MED12L: variants seen among roughly 807,000 people sequenced by gnomAD.
The protein encoded by MED12L is mediator complex subunit 12L, also known as mediator of RNA polymerase II transcription subunit 12-like protein.
A neutral mutation model predicts 281.3 loss-of-function variants in MED12L; 60 were observed. The observed-to-expected ratio is 0.21, with a 90% CI of 0.17 to 0.26. MED12L has a LOEUF of 0.26. MED12L is among the 10% of genes least tolerant of loss of function. The pLI, the probability that MED12L is intolerant of heterozygous loss-of-function variation, is 1.00. For synonymous variants in MED12L, 974 were observed against 987.2 expected (o/e 0.99, Z 0.25); for missense variants, 2,146 against 2,680.9 (o/e 0.80, Z 4.41).
At chr3:151,109,214 C>T (rs1416114165) in intron 2 of MED12L, among the ~76,000 whole-genome samples, 12 of 152,054 alleles carry the variant, frequency 7.9e-5, no homozygotes, top group Admixed American at 7.2e-4. Flanking sequence ...AGCCACCACG[C>T]CCGGCAATTT....
intron 2 of MED12L, among the ~76,000 whole-genome samples, chr3:151,087,288 G>A (rs560181090): frequency 6.6e-6 from 1 of 152,350 alleles, no homozygotes; most frequent in East Asian, 1.9e-4. Flanking sequence ...GCGCCGCCGG[G>A]CGCTTCTCGG....
At chr3:151,292,677 A>G (rs1475992240) in intron 16 of MED12L, among the ~76,000 whole-genome samples, 2 of 151,658 alleles carry the variant, frequency 1.3e-5, no homozygotes, top group Admixed American at 6.6e-5. Context: ...GGTTCAAGCA[A>G]TTCTCCTGCC....
intron 2 of MED12L, among the ~76,000 whole-genome samples, chr3:151,090,888 A>G (rs865953668): frequency 1.3e-5 from 2 of 152,208 alleles, no homozygotes; most frequent in Middle Eastern, 3.4e-3. Flanking sequence ...AAAAAATACA[A>G]AAATTAGCTG....
chr3:151,368,091 C>T lies in MED12L; in HGVS notation c.3449-59C>T, dbSNP rs902611890. ...CAGGAAATTTAGCTTAATAGGAAAC[C>T]TGAAGGACTTGTTCCCAAGTGTGTT... On this transcript the variant is annotated intron_variant, in intron 24 of 44. Coordinates refer to ENST00000687756, the MANE Select transcript of MED12L (RefSeq NM_001393769.1). 63 of 1,340,054 alleles carry T rather than the reference C, an allele frequency of 4.7e-5. No individual in the cohort carries two copies. In the Admixed American group the frequency reaches 1.1e-3, roughly 22 times the overall value. 83.0% of individuals were successfully genotyped at this position (1,340,054 alleles called of 1,614,324 possible). A position where few individuals can be genotyped will look rare whatever the true frequency, so the allele number is the denominator to read the frequency against.
At chr3:151,160,897 G>A (rs141366281) in intron 8 of MED12L, among the ~76,000 whole-genome samples, 1 of 152,232 alleles carries the variant, frequency 6.6e-6, no homozygotes, top group Non-Finnish European at 1.5e-5. Flanking sequence ...CTTCGAATGA[G>A]TTGAGAAAGA....
chr3:151,378,759 G>C (rs966518759), intron 31 of MED12L, among the ~76,000 whole-genome samples: 1 of 152,002 alleles, frequency 6.6e-6, no homozygotes, highest in Admixed American at 6.6e-5. Flanking sequence ...AAGAAACCTA[G>C]GAGTAAAGGA....
At chr3:151,146,258 T>G (rs141849265) in intron 5 of MED12L, among the ~76,000 whole-genome samples, 2 of 152,314 alleles carry the variant, frequency 1.3e-5, no homozygotes, top group African/African-American at 4.8e-5. Flanking sequence ...TTCCTGCGCC[T>G]CACTGGTGAC....
chr3:151,088,291 G>C (rs1049532717), intron 2 of MED12L, among the ~76,000 whole-genome samples: 3 of 152,172 alleles, frequency 2.0e-5, no homozygotes, highest in African/African-American at 7.2e-5. Context: ...TCCAGCACCA[G>C]CTTTACAGGA....
chr3:151,315,066 C>A (rs182979438), intron 16 of MED12L, among the ~76,000 whole-genome samples: 25 of 152,266 alleles, frequency 1.6e-4, no homozygotes, highest in African/African-American at 6.0e-4. Flanking sequence ...TCACTTCTGT[C>A]CTGTCTTCAC....
intron 16 of MED12L, among the ~76,000 whole-genome samples, chr3:151,323,631 C>G (rs977150673): frequency 2.6e-5 from 4 of 152,128 alleles, no homozygotes; most frequent in Non-Finnish European, 5.9e-5. Context: ...TCCTGTGAAC[C>G]CTTCTTCATT....
intron 20 of MED12L, 60 bp from the exon 21 acceptor site, chr3:151,360,414 A>T: frequency 6.6e-7 from 1 of 1,509,808 alleles, no homozygotes; most frequent in South Asian, 1.3e-5. Flanking sequence ...TAAAAGAGTC[A>T]AATGATAACC....
intron 39 of MED12L, among the ~76,000 whole-genome samples, chr3:151,405,312 A>G (rs1323319639): frequency 6.6e-6 from 1 of 152,246 alleles, no homozygotes; most frequent in Admixed American, 6.5e-5. Flanking sequence ...ATGGGCTTAT[A>G]CAATTATTAG....
At chr3:151,234,307 A>C (rs1296455875) in intron 16 of MED12L, among the ~76,000 whole-genome samples, 2 of 152,252 alleles carry the variant, frequency 1.3e-5, no homozygotes, top group African/African-American at 2.4e-5. Context: ...ACAAGATAGG[A>C]GTAATCCTGT....
chr3:151,193,358 T>C (rs1242896460), intron 15 of MED12L, 132 bp from the exon 16 acceptor site: 3 of 627,778 alleles, frequency 4.8e-6, no homozygotes, highest in East Asian at 2.7e-5. Flanking sequence ...AATTTCTTCA[T>C]ATTTTTTTGC....
At chr3:151,155,291 G>A (rs1719128649) in intron 5 of MED12L, among the ~76,000 whole-genome samples, 2 of 151,756 alleles carry the variant, frequency 1.3e-5, no homozygotes, top group Admixed American at 1.3e-4. Context: ...TCCACAGAAT[G>A]GGCTAAAGTT....
At chr3:151,230,000 C>T (rs950352923) in intron 16 of MED12L, among the ~76,000 whole-genome samples, 5 of 151,902 alleles carry the variant, frequency 3.3e-5, no homozygotes, top group Admixed American at 6.6e-5. Context: ...TATGGAGTCT[C>T]GCTCTGTTGC....
intron 43 of MED12L, among the ~76,000 whole-genome samples, chr3:151,417,965 A>G (rs1454069086): frequency 6.6e-6 from 1 of 152,226 alleles, no homozygotes; most frequent in Non-Finnish European, 1.5e-5. Flanking sequence ...GTTACTTAGC[A>G]AATGTTGTAG....
intron 6 of MED12L, among the ~76,000 whole-genome samples, chr3:151,156,759 A>T (rs904390579): frequency 2.0e-5 from 3 of 152,114 alleles, no homozygotes; most frequent in African/African-American, 7.2e-5. Context: ...AGCTGAGGGG[A>T]GGGGTAAGGG....
chr3:151,395,093 T>C (rs1714789642), intron 39 of MED12L, among the ~76,000 whole-genome samples: 1 of 152,206 alleles, frequency 6.6e-6, no homozygotes, highest in African/African-American at 2.4e-5. Context: ...TTATTAAAAG[T>C]ATACCTTAAA....
Sources: allele counts gnomAD v4.1 joint callset (sites outside exome capture counted in the v4.1 genomes callset), GRCh38; gene constraint gnomAD v4.1.1; transcripts MANE v1.5; gene names NCBI Gene and HGNC (gene_info 2026-07-23, HGNC 2026-07-21).